Variants in RHOU observed in about 807,000 individuals in gnomAD.
The protein encoded by RHOU is ras homolog family member U, also known as rho-related GTP-binding protein RhoU.
A neutral mutation model predicts 12.6 loss-of-function variants in RHOU; 8 were observed. The ratio of observed to expected loss-of-function variants is 0.64; its 90% CI spans 0.37 to 1.15. The LOEUF (loss-of-function observed/expected upper bound fraction) is 1.15. RHOU is among the 50% of genes most tolerant of loss of function. RHOU has a pLI of 0.01. For missense variants in RHOU, 258 were observed against 347.0 expected, an observed-to-expected ratio of 0.74 and a Z score of 2.04; for synonymous variants, 161 against 147.4, an observed-to-expected ratio of 1.09 and a Z score of -0.67.
the RHOU span, among the ~76,000 whole-genome samples, chr1:228,683,142 C>G: frequency 2.0e-5 from 3 of 150,126 alleles, no homozygotes; most frequent in East Asian, 5.8e-4. Context: ...CTACACCTGA[C>G]AGATCTTGTA....
At chr1:228,689,233 G>A in the RHOU span, among the ~76,000 whole-genome samples, 80 of 152,182 alleles carry the variant, frequency 5.3e-4, no homozygotes, top group African/African-American at 1.7e-3. Context: ...CCCAACCCTC[G>A]AAGAAGCCGA....
chr1:228,653,551 T>G, the RHOU span, among the ~76,000 whole-genome samples: 1 of 152,162 alleles, frequency 6.6e-6, no homozygotes, highest in Non-Finnish European at 1.5e-5. Flanking sequence ...ACTCCCAACC[T>G]CAGGTGATCC....
At chr1:228,729,773 A>G in the RHOU span, among the ~76,000 whole-genome samples, 1 of 152,364 alleles carries the variant, frequency 6.6e-6, no homozygotes, top group Admixed American at 6.5e-5. Context: ...TAATTTTTAC[A>G]ATCAAAATTA....
the RHOU span, among the ~76,000 whole-genome samples, chr1:228,657,023 C>T: frequency 6.6e-6 from 1 of 151,964 alleles, no homozygotes; most frequent in South Asian, 2.1e-4. Context: ...CGCCTGTAAT[C>T]CCAGCACTTT....
At chr1:228,701,198 G>T in the RHOU span, among the ~76,000 whole-genome samples, 37 of 152,106 alleles carry the variant, frequency 2.4e-4, no homozygotes, top group African/African-American at 8.7e-4. Flanking sequence ...AGTTAATTTT[G>T]AATTTTAAAT....
the RHOU span, among the ~76,000 whole-genome samples, chr1:228,689,940 C>G: frequency 6.6e-6 from 1 of 151,876 alleles, no homozygotes; most frequent in East Asian, 1.9e-4. Context: ...AAAATTTAAT[C>G]AAAATTTCAG....
Position 228,735,489 on chromosome 1 carries a change from G to T in RHOU, c.-254G>T, listed in dbSNP as rs1004598062. The T allele has an allele frequency of 1.9e-5, 5 of 258,860 alleles. No homozygotes were observed. The highest frequency in any genetic ancestry group is 2.9e-5 in the Non-Finnish European group (4 of 137,798). The allele number at this position is 258,860 out of a possible 1,614,324, so 16.0% of individuals were successfully genotyped here. A position where few individuals can be genotyped will look rare whatever the true frequency, so the allele number is the denominator to read the frequency against. ...AAGCCGGGCGGAGACAGAGCGCTTG[G>T]GATCCACGGCGCTCGGACCGCTGTC... On this transcript the variant is annotated 5_prime_UTR_variant, in exon 1 of 3. Transcript: ENST00000366691. The surrounding 1 kb of genome is among the most constrained non-coding windows in gnomAD (Gnocchi z 8.1).
chr1:228,671,393 A>G, the RHOU span, among the ~76,000 whole-genome samples: 1 of 152,138 alleles, frequency 6.6e-6, no homozygotes, highest in South Asian at 2.1e-4. Context: ...AATTTTTATT[A>G]TTTTTAAATA....
intron 2 of RHOU, among the ~76,000 whole-genome samples, chr1:228,741,953 A>G (rs970972772): frequency 5.3e-5 from 8 of 152,366 alleles, no homozygotes; most frequent in African/African-American, 1.9e-4. Context: ...TGGGGCCTCA[A>G]ATGAAGAAAG....
chr1:228,726,418 C>T, the RHOU span, among the ~76,000 whole-genome samples: 1 of 152,160 alleles, frequency 6.6e-6, no homozygotes, highest in African/African-American at 2.4e-5. Context: ...ATAATCCCAG[C>T]ACTTTGGGAG....
At chr1:228,727,941 T>C in the RHOU span, among the ~76,000 whole-genome samples, 1 of 152,202 alleles carries the variant, frequency 6.6e-6, no homozygotes, top group Admixed American at 6.5e-5. Flanking sequence ...TGGGAAAGTT[T>C]CTGTGATGTG....
At chr1:228,698,941 TAAG>T in the RHOU span, among the ~76,000 whole-genome samples, 2 of 152,178 alleles carry the variant, frequency 1.3e-5, no homozygotes, top group South Asian at 2.1e-4. Flanking sequence ...AATTAAGAGA[TAAG>T]AGTGTCTTGA....
chr1:228,698,213 A>G, the RHOU span, among the ~76,000 whole-genome samples: 1 of 152,220 alleles, frequency 6.6e-6, no homozygotes, highest in Non-Finnish European at 1.5e-5. Context: ...AATACAGTGT[A>G]CCAGAGAGAC....
At chr1:228,656,039 G>T in the RHOU span, among the ~76,000 whole-genome samples, 2 of 152,200 alleles carry the variant, frequency 1.3e-5, no homozygotes, top group Admixed American at 6.5e-5. Flanking sequence ...TGTAGCCAAT[G>T]ATAATGATTT....
chr1:228,730,258 C>T, the RHOU span, among the ~76,000 whole-genome samples: 1 of 152,160 alleles, frequency 6.6e-6, no homozygotes, highest in Admixed American at 6.5e-5. Flanking sequence ...GTGCAGGATA[C>T]TGGTGGGAAC....
the RHOU span, among the ~76,000 whole-genome samples, chr1:228,696,847 A>G: frequency 6.6e-6 from 1 of 152,192 alleles, no homozygotes; most frequent in East Asian, 1.9e-4. Flanking sequence ...ATGCCTGGTC[A>G]TGGGTATATC....
upstream of RHOU, among the ~76,000 whole-genome samples, chr1:228,731,353 G>A (rs954581048): frequency 5.9e-5 from 9 of 152,208 alleles, no homozygotes; most frequent in African/African-American, 1.9e-4. Flanking sequence ...TATGAATAGG[G>A]CAAGCGTTAG....
chr1:228,699,775 A>T, the RHOU span, among the ~76,000 whole-genome samples: 1 of 152,150 alleles, frequency 6.6e-6, no homozygotes, highest in Non-Finnish European at 1.5e-5. Flanking sequence ...AAGAAAAAAT[A>T]TGTCCTAATA....
At position 228,736,283 on chromosome 1, in the gene RHOU, T is replaced by C. The variant is rs1407931862; in HGVS notation, c.262+279T>C. 2.4e-4 allele frequency among the ~76,000 whole-genome samples: 31 copies of C among 127,922 alleles called. 1 individual carries two copies. Among genetic ancestry groups the C allele is most frequent in the Non-Finnish European group, 3.3e-4 (20 of 60,280 alleles). The allele number at this position is 127,922 out of a possible 152,430, so 83.9% of individuals were successfully genotyped here. On this transcript the variant is annotated intron_variant, in intron 1 of 2. Transcript: ENST00000366691. Reference sequence around the variant, plus strand: ...GCCAAAAAAAAAAAAAAAAAAAATCTCACAATTTAAGCAACAGATAAGTAG... The same window carrying C: ...GCCAAAAAAAAAAAAAAAAAAAATCCCACAATTTAAGCAACAGATAAGTAG...
Sources: allele counts gnomAD v4.1 joint callset (sites outside exome capture counted in the v4.1 genomes callset), GRCh38; gene constraint gnomAD v4.1.1; non-coding constraint Gnocchi (gnomAD v3.1); transcripts MANE v1.5; gene names NCBI Gene and HGNC (gene_info 2026-07-23, HGNC 2026-07-21).